The following KCNMB2 variants were observed in gnomAD, a reference collection of about 807,000 sequenced individuals.
KCNMB2 encodes potassium calcium-activated channel subfamily M regulatory beta subunit 2.
Under a neutral mutation model 24.5 loss-of-function variants are expected in KCNMB2, and 9 were observed. The ratio of observed to expected loss-of-function variants is 0.37; its 90% CI spans 0.22 to 0.64. The LOEUF (loss-of-function observed/expected upper bound fraction) is 0.64. Ranked by LOEUF, KCNMB2 falls within the 30% of genes least tolerant of loss-of-function variation. The probability of loss-of-function intolerance (pLI) is 0.63; values close to 1 mark genes in which losing one functional copy is unlikely to be tolerated. For synonymous variants in KCNMB2, 109 were observed against 104.4 expected (o/e 1.04, Z -0.27); for missense variants, 226 against 284.3 (o/e 0.79, Z 1.47).
intron 1 of KCNMB2, among the ~76,000 whole-genome samples, chr3:178,562,837 A>C (rs2108466337): frequency 6.6e-6 from 1 of 152,352 alleles, no homozygotes; most frequent in Non-Finnish European, 1.5e-5. Context: ...TTGGGGACCA[A>C]GTTGAGTGAA....
chr3:178,672,998 TG>T (rs1481065895), intron 1 of KCNMB2, among the ~76,000 whole-genome samples: 33 of 151,872 alleles, frequency 2.2e-4, no homozygotes, highest in Non-Finnish European at 3.0e-5. Flanking sequence ...AAACCATTGA[TG>T]GCCCAAAGAG....
At chr3:178,801,254 T>C (rs1270224545) in intron 1 of KCNMB2, among the ~76,000 whole-genome samples, 2 of 152,120 alleles carry the variant, frequency 1.3e-5, no homozygotes, top group Non-Finnish European at 2.9e-5. Flanking sequence ...TCTGACATGA[T>C]TGTTACCCAT....
At chr3:178,697,898 G>GTTT (rs35782704) in intron 1 of KCNMB2, among the ~76,000 whole-genome samples, 2 of 150,774 alleles carry the variant, frequency 1.3e-5, no homozygotes, top group African/African-American at 4.9e-5. Context: ...TGGGTTAAAA[G>GTTT]TTTTTTTTTT....
chr3:178,721,897 A>G (rs1722818596), intron 1 of KCNMB2, among the ~76,000 whole-genome samples: 1 of 152,186 alleles, frequency 6.6e-6, no homozygotes, highest in Non-Finnish European at 1.5e-5. Context: ...ATGTCTGTTC[A>G]AGCCATTTAC....
At chr3:178,823,512 AAAT>A (rs1714715198) in intron 2 of KCNMB2, among the ~76,000 whole-genome samples, 1 of 152,344 alleles carries the variant, frequency 6.6e-6, no homozygotes, top group African/African-American at 2.4e-5. Context: ...GAGAACTTTA[AAAT>A]AATAATAAGA....
At chr3:178,629,638 A>G (rs559929165) in intron 1 of KCNMB2, among the ~76,000 whole-genome samples, 1 of 152,338 alleles carries the variant, frequency 6.6e-6, no homozygotes, top group Admixed American at 6.5e-5. Context: ...AGTACCTCTT[A>G]TAGTAAAAGC....
At chr3:178,834,469 C>A (rs1715153436) in intron 4 of KCNMB2, among the ~76,000 whole-genome samples, 1 of 150,970 alleles carries the variant, frequency 6.6e-6, no homozygotes, top group Admixed American at 6.6e-5. Context: ...TTTTGGTGAA[C>A]AGGTGAGAAT....
At chr3:178,812,755 A>G (rs1284969947) in intron 2 of KCNMB2, among the ~76,000 whole-genome samples, 1 of 152,174 alleles carries the variant, frequency 6.6e-6, no homozygotes, top group Admixed American at 6.5e-5. Flanking sequence ...ATTTCCATAT[A>G]TACATGGATA....
At chr3:178,592,653 T>C (rs1289326336) in intron 1 of KCNMB2, among the ~76,000 whole-genome samples, 1 of 152,166 alleles carries the variant, frequency 6.6e-6, no homozygotes, top group Non-Finnish European at 1.5e-5. Flanking sequence ...GGTTATACTA[T>C]TGTCTTTTTA....
chr3:178,722,133 C>T (rs982430268), intron 1 of KCNMB2, among the ~76,000 whole-genome samples: 1 of 152,014 alleles, frequency 6.6e-6, no homozygotes, highest in African/African-American at 2.4e-5. Context: ...AAAGATTTCC[C>T]CATTTTTTTT....
intron 1 of KCNMB2, among the ~76,000 whole-genome samples, chr3:178,585,141 C>A (rs1177551754): frequency 1.3e-5 from 2 of 151,860 alleles, no homozygotes; most frequent in African/African-American, 4.8e-5. Context: ...TGGATTTCTG[C>A]AAACAGAAAG....
intron 1 of KCNMB2, among the ~76,000 whole-genome samples, chr3:178,697,723 T>A (rs1721931706): frequency 6.6e-6 from 1 of 152,210 alleles, no homozygotes; most frequent in Admixed American, 6.5e-5. Flanking sequence ...TCAGTGTGTT[T>A]TCGTAGTGGC....
chr3:178,585,061 C>T (rs1042770198), intron 1 of KCNMB2, among the ~76,000 whole-genome samples: 1 of 152,206 alleles, frequency 6.6e-6, no homozygotes, highest in African/African-American at 2.4e-5. Flanking sequence ...GAAGGATCTA[C>T]AGAAAAGTCA....
intron 1 of KCNMB2, among the ~76,000 whole-genome samples, chr3:178,642,047 TA>T (rs1719748481): frequency 6.6e-6 from 1 of 152,124 alleles, no homozygotes; most frequent in South Asian, 2.1e-4. Flanking sequence ...CCAGGTAAAA[TA>T]AATTACTGCA....
chr3:178,803,380 G>C (rs571390497), intron 1 of KCNMB2, among the ~76,000 whole-genome samples: 2 of 152,352 alleles, frequency 1.3e-5, no homozygotes, highest in South Asian at 4.1e-4. Flanking sequence ...AAGAAGGAAA[G>C]AGAAGAAGTA....
At chr3:178,707,744 C>T (rs1458445044) in intron 1 of KCNMB2, among the ~76,000 whole-genome samples, 2 of 152,124 alleles carry the variant, frequency 1.3e-5, no homozygotes, top group Non-Finnish European at 2.9e-5. Context: ...TGAGGTGATT[C>T]TCACACCCTG....
intron 1 of KCNMB2, among the ~76,000 whole-genome samples, chr3:178,755,121 G>A (rs940124625): frequency 1.4e-4 from 21 of 152,240 alleles, no homozygotes; most frequent in Non-Finnish European, 2.4e-4. Context: ...CTATGAGAGT[G>A]CCGTTTCCAC....
At chr3:178,550,216 C>T (rs567933117) in intron 1 of KCNMB2, among the ~76,000 whole-genome samples, 95 of 151,494 alleles carry the variant, frequency 6.3e-4, no homozygotes, top group Non-Finnish European at 1.1e-3. Context: ...TTTGGGAGGC[C>T]GAGGCGGGCG....
chr3:178,761,290 T>C (rs1349324067), intron 1 of KCNMB2, among the ~76,000 whole-genome samples: 10 of 152,320 alleles, frequency 6.6e-5, no homozygotes, highest in Admixed American at 6.5e-4. Flanking sequence ...AGAGCAATAG[T>C]AGCATTGTGC....
Sources: allele counts gnomAD v4.1 joint callset (sites outside exome capture counted in the v4.1 genomes callset), GRCh38; gene constraint gnomAD v4.1.1; transcripts MANE v1.5; gene names NCBI Gene and HGNC (gene_info 2026-07-23, HGNC 2026-07-21).